CEP164: variants seen among roughly 807,000 people sequenced by gnomAD.
The protein encoded by CEP164 is centrosomal protein 164, also known as centrosomal protein of 164 kDa.
Under a neutral mutation model 182.7 loss-of-function variants are expected in CEP164, and 162 were observed. The ratio of observed to expected loss-of-function variants is 0.89; its 90% CI spans 0.78 to 1.01. The LOEUF (loss-of-function observed/expected upper bound fraction) is 1.01. CEP164 is among the 50% of genes least tolerant of loss of function. The pLI is 0.00. For missense variants in CEP164, 1,735 were observed against 1,790.4 expected (o/e 0.97, Z 0.56); for synonymous variants, 661 against 690.0 (o/e 0.96, Z 0.66).
At chr11:117,365,790 G>T (rs2041571104) in intron 8 of CEP164, among the ~76,000 whole-genome samples, 1 of 152,070 alleles carries the variant, frequency 6.6e-6, no homozygotes, top group African/African-American at 2.4e-5. Flanking sequence ...ATGTTGGCCA[G>T]GCTGGTCTCG....
chr11:117,344,106 TTG>T, intron 3 of CEP164, 58 bp from the exon 4 acceptor site: 1 of 907,612 alleles, frequency 1.1e-6, no homozygotes, highest in Non-Finnish European at 1.7e-6. Context: ...AGAAAAAAGA[TTG>T]TGAGTTTTTT....
intron 27 of CEP164, among the ~76,000 whole-genome samples, chr11:117,405,498 C>T (rs2046578232): frequency 6.6e-6 from 1 of 152,048 alleles, no homozygotes. Context: ...TCTAACCAGC[C>T]CCAATGAGAT....
chr11:117,343,957 C>T (rs1036667179), intron 3 of CEP164, among the ~76,000 whole-genome samples: 5 of 151,794 alleles, frequency 3.3e-5, no homozygotes, highest in African/African-American at 7.3e-5. Flanking sequence ...TGCTTGGCTT[C>T]GGATTATATC....
intron 3 of CEP164, among the ~76,000 whole-genome samples, chr11:117,340,300 G>T (rs1387408420): frequency 1.3e-5 from 2 of 152,244 alleles, no homozygotes; most frequent in African/African-American, 4.8e-5. Flanking sequence ...GGGATTACAG[G>T]CATGAGCCAC....
At chr11:117,396,794 G>C (rs1277170884) in intron 26 of CEP164, among the ~76,000 whole-genome samples, 183 bp downstream of exon 26, 1 of 152,250 alleles carries the variant, frequency 6.6e-6, no homozygotes, top group African/African-American at 2.4e-5. Flanking sequence ...ACTGCCCACT[G>C]TGACCTTTGA....
chr11:117,409,669 C>T lies in CEP164; in HGVS notation c.3800C>T (p.Ser1267Phe). 1 of 1,614,058 alleles carries T rather than the reference C, an allele frequency of 6.2e-7. No individual in the cohort carries two copies. The highest frequency in any genetic ancestry group is 8.5e-7 in the Non-Finnish European group (1 of 1,179,950). The change falls in exon 30 of 33, where the codon TCC (serine) becomes TTC (phenylalanine). Residue 1267 changes from serine to phenylalanine, a missense_variant. Transcript: ENST00000278935. The surrounding 1 kb of genome is among the most constrained non-coding windows in gnomAD (Gnocchi z 4.4). ...CGCAAGATCCACGGGCTTAGCCACT[C>T]CCTCCGGCAGATCAGCAGCCAGCTG... ...TSRKIHGLSH[S>F]LRQISSQLSS...
At chr11:117,329,724 T>A (rs2035894210) in intron 1 of CEP164, among the ~76,000 whole-genome samples, 1 of 151,926 alleles carries the variant, frequency 6.6e-6, no homozygotes, top group Admixed American at 6.6e-5. Flanking sequence ...TGTATTTTGG[T>A]AGAGACGGGG....
At chr11:117,345,498 C>T (rs923878093) in intron 4 of CEP164, among the ~76,000 whole-genome samples, 7 of 152,158 alleles carry the variant, frequency 4.6e-5, no homozygotes, top group African/African-American at 1.7e-4. Context: ...AACTGGTCCT[C>T]AGGTATCTTA....
chr11:117,362,050 C>G, intron 6 of CEP164, 57 bp downstream of exon 6: 1 of 1,469,680 alleles, frequency 6.8e-7, no homozygotes, highest in Non-Finnish European at 9.2e-7. Context: ...TCCCGTGTGC[C>G]ATACCAGGAA....
At chr11:117,345,119 T>G (rs2038702197) in intron 4 of CEP164, among the ~76,000 whole-genome samples, 1 of 152,200 alleles carries the variant, frequency 6.6e-6, no homozygotes, top group Non-Finnish European at 1.5e-5. Flanking sequence ...TTCACATTCA[T>G]GGATTCATTG....
intron 27 of CEP164, among the ~76,000 whole-genome samples, chr11:117,406,014 C>T (rs550224460): frequency 2.9e-4 from 44 of 152,330 alleles, no homozygotes; most frequent in African/African-American, 1.1e-3. Flanking sequence ...CTTCTGAGCC[C>T]TCCAAACTGT....
chr11:117,401,886 C>T (rs1358571782), intron 27 of CEP164, among the ~76,000 whole-genome samples: 2 of 152,000 alleles, frequency 1.3e-5, no homozygotes, highest in African/African-American at 4.8e-5. Flanking sequence ...GTCTGGATAG[C>T]AGTCTATCTA....
chr11:117,383,097 G>T (rs2043528462), intron 14 of CEP164, among the ~76,000 whole-genome samples, 155 bp downstream of exon 14: 1 of 152,150 alleles, frequency 6.6e-6, no homozygotes, highest in Admixed American at 6.5e-5. Context: ...TCTGTGTGCA[G>T]CCTTGAGAGC....
intron 11 of CEP164, among the ~76,000 whole-genome samples, chr11:117,379,544 G>A (rs1175915253): frequency 3.3e-5 from 5 of 152,120 alleles, no homozygotes; most frequent in Admixed American, 6.6e-5. Flanking sequence ...CCTTAGGCTG[G>A]GGGAGAGGGA....
chr11:117,411,349 C>T lies in CEP164; in HGVS notation c.4164-446C>T, dbSNP rs114126758. 3 of 239,506 alleles carry T rather than the reference C, an allele frequency of 1.3e-5. No homozygotes were observed. The highest frequency in any genetic ancestry group is 1.9e-4 in the East Asian group (2 of 10,294). The allele number at this position is 239,506 out of a possible 1,614,324, so 14.8% of individuals were successfully genotyped here. A position where few individuals can be genotyped will look rare whatever the true frequency, so the allele number is the denominator to read the frequency against. ...AGGGACACCCTGTGGAGGAGACAGA[C>T]GGGCAATTATTTAAACCTGTTATTA... On this transcript the variant is annotated intron_variant, in intron 31 of 32. Coordinates refer to ENST00000278935, the MANE Select transcript of CEP164 (RefSeq NM_014956.5). The surrounding 1 kb of genome is among the most constrained non-coding windows in gnomAD (Gnocchi z 4.4).
At chr11:117,364,325 T>G (rs2041376495) in intron 8 of CEP164, among the ~76,000 whole-genome samples, 1 of 152,218 alleles carries the variant, frequency 6.6e-6, no homozygotes. Flanking sequence ...TCACTCACAC[T>G]TTATTAGAAA....
At chr11:117,344,340 GGA>G in intron 4 of CEP164, 63 bp downstream of exon 4, 1 of 1,151,390 alleles carries the variant, frequency 8.7e-7, no homozygotes, top group Non-Finnish European at 1.3e-6. Context: ...AGCTAATACT[GGA>G]GATCGGTTTG....
chr11:117,351,931 GA>G lies in CEP164; in HGVS notation c.347del (p.Lys116ArgfsTer22), dbSNP rs751277203. On this transcript the variant is annotated frameshift_variant, in exon 5 of 33. Coordinates refer to ENST00000278935, the MANE Select transcript of CEP164 (RefSeq NM_014956.5). LOFTEE classifies it high-confidence loss of function. The part of the protein sequence containing the change: ...LSTSGAIKKK[K>X]KKKEKKDKKD... ...CAACTTCTGGGGCCATTAAGAAGAA[GA>G]AAAAAAAAAAGGAAAAGAAAGACAA... The G allele has an allele frequency of 5.7e-3, 6,300 of 1,097,866 alleles. No individual in the cohort carries two copies. The highest frequency in any genetic ancestry group is 0.017 in the Admixed American group (693 of 39,750). 68.0% of individuals were successfully genotyped at this position (1,097,866 alleles called of 1,614,324 possible). A position where few individuals can be genotyped will look rare whatever the true frequency, so the allele number is the denominator to read the frequency against.
upstream of CEP164, among the ~76,000 whole-genome samples, chr11:117,327,639 A>G: frequency 6.6e-6 from 1 of 151,806 alleles, no homozygotes; most frequent in South Asian, 2.1e-4. Context: ...GATTCCCATT[A>G]TCTATCTTAA....
Sources: allele counts gnomAD v4.1 joint callset (sites outside exome capture counted in the v4.1 genomes callset), GRCh38; gene constraint gnomAD v4.1.1; non-coding constraint Gnocchi (gnomAD v3.1); transcripts MANE v1.5; gene names NCBI Gene and HGNC (gene_info 2026-07-23, HGNC 2026-07-21).